KDM4B: variants seen among roughly 807,000 people sequenced by gnomAD.
KDM4B encodes the protein lysine-specific demethylase 4B.
A neutral mutation model predicts 125.2 loss-of-function variants in KDM4B; 32 were observed. That is an observed-to-expected ratio of 0.26 (90% confidence interval 0.19 to 0.34). The LOEUF is 0.34. KDM4B is among the 10% of genes least tolerant of loss of function. The pLI is 1.00. For missense variants in KDM4B, 1,190 were observed against 1,577.7 expected, an observed-to-expected ratio of 0.75 and a Z score of 4.16; for synonymous variants, 721 against 677.9, an observed-to-expected ratio of 1.06 and a Z score of -0.99.
chr19:5,138,516 C>T (rs8110234), intron 18 of KDM4B: 34,582 of 168,394 alleles, frequency 0.21, 3,734 homozygotes, highest in African/African-American at 0.25. Context: ...ACTAGCTGGG[C>T]GTGGTGGCAC....
intron 1 of KDM4B, among the ~76,000 whole-genome samples, chr19:5,006,184 T>TCCCCGCAGCCTCTCCCTGTCC (rs1409924745): frequency 6.6e-6 from 1 of 151,858 alleles, no homozygotes; most frequent in African/African-American, 2.4e-5. Flanking sequence ...CATGCCTGGC[T>TCCCCGCAGCCTCTCCCTGTCC]CCCCGCAGCC....
intron 9 of KDM4B, among the ~76,000 whole-genome samples, chr19:5,097,588 G>T (rs1349696796): frequency 1.3e-5 from 2 of 152,220 alleles, no homozygotes; most frequent in Non-Finnish European, 2.9e-5. Flanking sequence ...CTTCGGTCCT[G>T]ATGGGGAGCA....
Position 5,132,023 on chromosome 19 carries a change from C to G in KDM4B, c.1906+16C>G, listed in dbSNP as rs1208496527. On this transcript the variant is annotated intron_variant, in intron 13 of 22. Coordinates refer to ENST00000159111, the MANE Select transcript of KDM4B (RefSeq NM_015015.3). ...AGTGACGAGGGTGAGTGGGGGGTCCCCAGGTCGGCTCTCATCAGCCCTGCT... is the reference window on the plus strand; with the variant it reads ...AGTGACGAGGGTGAGTGGGGGGTCCGCAGGTCGGCTCTCATCAGCCCTGCT... 6.3e-7 allele frequency: 1 copy of G among 1,595,368 alleles called. No individual in the cohort carries two copies. Among genetic ancestry groups the G allele is most frequent in the African/African-American group, 1.3e-5 (1 of 74,778 alleles).
chr19:5,129,436 C>T (rs1351212019), intron 11 of KDM4B, among the ~76,000 whole-genome samples: 7 of 152,198 alleles, frequency 4.6e-5, no homozygotes, highest in Non-Finnish European at 8.8e-5. Context: ...GAGCTGGGGG[C>T]AGCCCGTGGT....
chr19:5,027,657 C>T (rs778120007), intron 2 of KDM4B, among the ~76,000 whole-genome samples: 22 of 151,232 alleles, frequency 1.5e-4, no homozygotes, highest in Non-Finnish European at 2.9e-4. Flanking sequence ...TCTCTTGCCT[C>T]AGCCTCCTGA....
chr19:5,136,459 G>A (rs370891899), intron 15 of KDM4B, among the ~76,000 whole-genome samples: 4 of 152,142 alleles, frequency 2.6e-5, no homozygotes, highest in African/African-American at 7.2e-5. Context: ...TCCTCCTGGC[G>A]GTGGCCTGCC....
In KDM4B at chr19:5,125,593, G is replaced by C. The variant is rs867379999; in HGVS notation, c.1316-5483G>C. ...GAGATCCCCGGGGGTCCACACGCCC[G>C]GTGCAGTGGTCACGGTGCCAGGAGG... On this transcript the variant is annotated intron_variant, in intron 11 of 22. Coordinates refer to ENST00000159111, the MANE Select transcript of KDM4B (RefSeq NM_015015.3). Among the ~76,000 whole-genome samples, 6 of 152,306 alleles carry C rather than the reference G, an allele frequency of 3.9e-5. No homozygotes were observed. The Middle Eastern group carries it at 0.01, about 259-fold the overall frequency.
At chr19:5,027,933 G>A (rs1436974067) in intron 2 of KDM4B, among the ~76,000 whole-genome samples, 1 of 152,128 alleles carries the variant, frequency 6.6e-6, no homozygotes, top group Admixed American at 6.5e-5. Context: ...ACAGTTTTCA[G>A]TATATTCAAA....
chr19:5,079,861 C>T (rs1034056876), intron 8 of KDM4B, among the ~76,000 whole-genome samples: 3 of 152,174 alleles, frequency 2.0e-5, no homozygotes, highest in African/African-American at 7.2e-5. Context: ...GCACCATGCC[C>T]GGCCCAGTAA....
At chr19:5,133,785 G>T in intron 13 of KDM4B, 98 bp from the exon 14 acceptor site, 4 of 1,303,364 alleles carry the variant, frequency 3.1e-6, no homozygotes, top group Non-Finnish European at 4.3e-6. Context: ...AGCCAGGGCT[G>T]TAGACCCGGG....
chr19:5,020,071 A>G (rs1326453288), intron 2 of KDM4B, among the ~76,000 whole-genome samples: 1 of 101,284 alleles, frequency 9.9e-6, no homozygotes, highest in Admixed American at 1.1e-4. Context: ...GTTGGTGTGC[A>G]GGTGTTGGTG....
At chr19:5,038,658 A>G (rs902448749) in intron 3 of KDM4B, among the ~76,000 whole-genome samples, 1 of 152,190 alleles carries the variant, frequency 6.6e-6, no homozygotes, top group African/African-American at 2.4e-5. Flanking sequence ...GTCCTGGGCC[A>G]TAGTCTGTCT....
intron 1 of KDM4B, among the ~76,000 whole-genome samples, chr19:4,978,035 C>G (rs1461397024): frequency 1.3e-5 from 2 of 152,208 alleles, no homozygotes; most frequent in Non-Finnish European, 2.9e-5. Flanking sequence ...TCCTGTCTTG[C>G]AGTCGGGCCG....
intron 1 of KDM4B, among the ~76,000 whole-genome samples, chr19:4,978,378 G>A (rs192721715): frequency 4.0e-5 from 6 of 151,716 alleles, no homozygotes; most frequent in African/African-American, 1.2e-4. Flanking sequence ...GCGGTGGCAC[G>A]TGCCTGTAAT....
At chr19:5,122,023 G>C (rs970790464) in intron 11 of KDM4B, among the ~76,000 whole-genome samples, 1 of 152,142 alleles carries the variant, frequency 6.6e-6, no homozygotes, top group Non-Finnish European at 1.5e-5. Flanking sequence ...CCCTGGGGCC[G>C]CTGAAATGAA....
chr19:5,008,326 G>T (rs551888120), intron 1 of KDM4B, among the ~76,000 whole-genome samples: 2 of 152,116 alleles, frequency 1.3e-5, no homozygotes, highest in Non-Finnish European at 1.5e-5. Flanking sequence ...GACTTTAAGC[G>T]TGTGGGTTTA....
At chr19:5,113,942 C>G (rs2039203191) in intron 10 of KDM4B, 1 of 1,224,410 alleles carries the variant, frequency 8.2e-7, no homozygotes, top group African/African-American at 1.6e-5. Context: ...GAGGACACGG[C>G]CTACTCCCTG....
At chr19:5,113,895 T>G (rs1258836181) in intron 10 of KDM4B, 2 of 1,198,086 alleles carry the variant, frequency 1.7e-6, no homozygotes, top group Non-Finnish European at 2.1e-6. Context: ...AGGTGCCCCA[T>G]GGGGTGCGGA....
At chr19:5,105,643 C>T (rs2039020379) in intron 9 of KDM4B, among the ~76,000 whole-genome samples, 1 of 152,172 alleles carries the variant, frequency 6.6e-6, no homozygotes, top group African/African-American at 2.4e-5. Context: ...TGCTATATTG[C>T]CCAGGGTGGT....
Sources: gnomAD v4.1 joint callset for allele counts (sites outside exome capture counted in the v4.1 genomes callset) on GRCh38, gnomAD v4.1.1 for gene constraint, MANE v1.5 for transcripts, NCBI Gene and HGNC (gene_info 2026-07-23, HGNC 2026-07-21) for gene names.